The following KCNN2 variants were observed in gnomAD, a reference collection of about 807,000 sequenced individuals.
The protein encoded by KCNN2 is small conductance calcium-activated potassium channel protein 2.
A neutral mutation model predicts 55.5 loss-of-function variants in KCNN2; 24 were observed. The ratio of observed to expected loss-of-function variants is 0.43; its 90% CI spans 0.31 to 0.61. The LOEUF is 0.61. KCNN2 is among the 20% of genes least tolerant of loss of function. The pLI, the probability that KCNN2 is intolerant of heterozygous loss-of-function variation, is 0.08. For missense variants in KCNN2, 754 were observed against 853.6 expected (o/e 0.88, Z 1.45); for synonymous variants, 431 against 336.1 (o/e 1.28, Z -3.09).
At chr5:114,144,337 A>G (rs781024309) in intron 1 of KCNN2, among the ~76,000 whole-genome samples, 1 of 152,198 alleles carries the variant, frequency 6.6e-6, no homozygotes, top group Non-Finnish European at 1.5e-5. Context: ...TACCTGACTG[A>G]GAATTCCACA....
intron 2 of KCNN2, among the ~76,000 whole-genome samples, chr5:114,252,905 C>T (rs931769305): frequency 2.0e-5 from 3 of 152,190 alleles, no homozygotes; most frequent in Non-Finnish European, 2.9e-5. Context: ...GCTAATATTT[C>T]CCTGACCCTC....
chr5:114,220,171 A>G (rs1394685610), intron 1 of KCNN2, among the ~76,000 whole-genome samples: 2 of 152,180 alleles, frequency 1.3e-5, no homozygotes, highest in African/African-American at 2.4e-5. Context: ...AGCCAAACCT[A>G]TAACATATCT....
chr5:114,328,827 C>T (rs556408520), intron 2 of KCNN2, among the ~76,000 whole-genome samples: 1 of 152,332 alleles, frequency 6.6e-6, no homozygotes, highest in South Asian at 2.1e-4. Context: ...TCAGATCCTT[C>T]TGATCATTGC....
At chr5:114,324,254 G>A (rs1315736664) in intron 2 of KCNN2, among the ~76,000 whole-genome samples, 2 of 152,134 alleles carry the variant, frequency 1.3e-5, no homozygotes, top group East Asian at 3.9e-4. Flanking sequence ...TCCTAATCAC[G>A]AGAACATGTG....
intron 1 of KCNN2, among the ~76,000 whole-genome samples, chr5:114,215,130 T>A (rs996246482): frequency 1.3e-5 from 2 of 152,120 alleles, no homozygotes; most frequent in Non-Finnish European, 1.5e-5. Flanking sequence ...AATATTTTCA[T>A]TTGTCAAAAG....
chr5:114,165,690 G>C (rs1228731081), intron 1 of KCNN2, among the ~76,000 whole-genome samples: 15 of 151,956 alleles, frequency 9.9e-5, no homozygotes, highest in Admixed American at 9.8e-4. Context: ...AGTTTTTTTG[G>C]AAAAGTTATG....
At chr5:114,451,777 G>T (rs1760696047) in intron 3 of KCNN2, among the ~76,000 whole-genome samples, 1 of 151,786 alleles carries the variant, frequency 6.6e-6, no homozygotes, top group Non-Finnish European at 1.5e-5. Flanking sequence ...GGTGCCTGTA[G>T]TCTCAGCTAC....
At chr5:114,356,699 C>T (rs780327656) in intron 2 of KCNN2, among the ~76,000 whole-genome samples, 11 of 152,006 alleles carry the variant, frequency 7.2e-5, no homozygotes, top group Non-Finnish European at 1.3e-4. Flanking sequence ...AGACCATCAC[C>T]AATATGCTCA....
At chr5:114,277,597 C>A (rs996184735) in intron 2 of KCNN2, among the ~76,000 whole-genome samples, 8 of 152,160 alleles carry the variant, frequency 5.3e-5, no homozygotes, top group African/African-American at 1.9e-4. Context: ...GATTTTCAAT[C>A]ACTGATATCC....
In KCNN2 at chr5:114,362,666, T is replaced by C. The variant is rs1262828256; in HGVS notation, c.527T>C (p.Leu176Pro). The C allele has an allele frequency of 7.1e-7, 1 of 1,407,314 alleles. No homozygotes were observed. Among genetic ancestry groups the C allele is most frequent in the Non-Finnish European group, 9.3e-7 (1 of 1,075,246 alleles). The allele number at this position is 1,407,314 out of a possible 1,614,324, so 87.2% of individuals were successfully genotyped here. A position where few individuals can be genotyped will look rare whatever the true frequency, so the allele number is the denominator to read the frequency against. Residue 176 changes from leucine (L) to proline (P), a missense_variant, in exon 1 of 8, where the codon CTG becomes CCG. Leu to Pro is a moderately conservative substitution (Grantham distance 98). Around this residue, in one of 4 missense-constraint regions of KCNN2, gnomAD observed 381 missense variants for 259.1 expected, o/e 1.47. Coordinates refer to ENST00000673685, the MANE Select transcript of KCNN2 (RefSeq NM_021614.4). Reference sequence around the variant, plus strand: ...AGCCCCACGGGCAGCCTCGGCAGTCTGGGCTCCGGGCCCCCGCTCTCGCAC... The same window carrying C: ...AGCCCCACGGGCAGCCTCGGCAGTCCGGGCTCCGGGCCCCCGCTCTCGCAC... ...AASPTGSLGS[L>P]GSGPPLSHHH...
intron 1 of KCNN2, among the ~76,000 whole-genome samples, chr5:114,085,902 G>T (rs182908637): frequency 6.6e-6 from 1 of 151,990 alleles, no homozygotes; most frequent in Admixed American, 6.6e-5. Context: ...ATATTTTGAA[G>T]CACTGTCATT....
chr5:114,320,841 C>A (rs1319142288), intron 2 of KCNN2, among the ~76,000 whole-genome samples: 1 of 152,240 alleles, frequency 6.6e-6, no homozygotes, highest in Admixed American at 6.5e-5. Flanking sequence ...TTGATGCTAT[C>A]TTTTTCAGTT....
At chr5:114,271,230 C>A (rs1755325152) in intron 2 of KCNN2, among the ~76,000 whole-genome samples, 1 of 152,044 alleles carries the variant, frequency 6.6e-6, no homozygotes, top group Non-Finnish European at 1.5e-5. Context: ...CTGATTGGTG[C>A]ATTTACAGTC....
intron 2 of KCNN2, among the ~76,000 whole-genome samples, chr5:114,279,613 C>T (rs1452872010): frequency 1.3e-5 from 2 of 152,138 alleles, no homozygotes; most frequent in Non-Finnish European, 2.9e-5. Flanking sequence ...ATCCATGTCC[C>T]TGCAAAGGAC....
chr5:114,459,020 A>G (rs1295404559), intron 3 of KCNN2, among the ~76,000 whole-genome samples: 2 of 152,242 alleles, frequency 1.3e-5, no homozygotes, highest in Non-Finnish European at 2.9e-5. Flanking sequence ...TGGGAAAGAT[A>G]ACTTCTGTGA....
chr5:114,428,087 A>T (rs561450596), intron 3 of KCNN2, among the ~76,000 whole-genome samples: 339 of 152,284 alleles, frequency 2.2e-3, no homozygotes, highest in Non-Finnish European at 3.7e-3. Context: ...ATTTCATTTA[A>T]GAGCGGGTCA....
At chr5:114,441,928 G>C (rs1760228837) in intron 3 of KCNN2, among the ~76,000 whole-genome samples, 1 of 152,158 alleles carries the variant, frequency 6.6e-6, no homozygotes, top group African/African-American at 2.4e-5. Flanking sequence ...AGCCAAAAAT[G>C]CATGTTTTAA....
chr5:114,159,416 T>C (rs908819936), intron 1 of KCNN2, among the ~76,000 whole-genome samples: 1 of 152,244 alleles, frequency 6.6e-6, no homozygotes, highest in African/African-American at 2.4e-5. Context: ...AGTATTTTAT[T>C]GAGGATTTTT....
At chr5:114,093,745 C>T (rs766798279) in intron 1 of KCNN2, among the ~76,000 whole-genome samples, 5 of 152,116 alleles carry the variant, frequency 3.3e-5, no homozygotes, top group African/African-American at 4.8e-5. Flanking sequence ...TGTGAGAACT[C>T]ACTTATTATC....
Sources: allele counts gnomAD v4.1 joint callset (sites outside exome capture counted in the v4.1 genomes callset), GRCh38; gene constraint gnomAD v4.1.1; regional missense constraint gnomAD v4.1.1; transcripts MANE v1.5; gene names NCBI Gene and HGNC (gene_info 2026-07-23, HGNC 2026-07-21).